The following TPM2 variants were observed in gnomAD, a reference collection of about 807,000 sequenced individuals.
TPM2 encodes the protein tropomyosin beta chain.
In TPM2, 26 loss-of-function variants were observed where a neutral mutation model predicts 41.0. The ratio of observed to expected loss-of-function variants is 0.63; its 90% CI spans 0.46 to 0.88. The LOEUF is 0.88. TPM2 is among the 40% of genes least tolerant of loss of function. TPM2 has a pLI of 0.00. For missense variants in TPM2, 187 were observed against 355.2 expected (o/e 0.53, Z 3.81); for synonymous variants, 143 against 139.3 (o/e 1.03, Z -0.19).
chr9:35,687,539 G>A (rs561883861), intron 2 of TPM2, among the ~76,000 whole-genome samples: 2 of 152,222 alleles, frequency 1.3e-5, no homozygotes, highest in East Asian at 1.9e-4. Flanking sequence ...TAGGGCAGGA[G>A]AAACAGCACC....
At chr9:35,689,060 G>A in intron 2 of TPM2, 86 bp downstream of exon 2, 3 of 1,507,156 alleles carry the variant, frequency 2.0e-6, no homozygotes, top group Admixed American at 1.7e-5. Context: ...AAGGGGATAA[G>A]GTGCCCCAAT....
chr9:35,685,363 G>GTA lies in TPM2; in HGVS notation c.493-26_493-25dup. The GTA allele has an allele frequency of 6.2e-7, 1 of 1,614,234 alleles. No homozygotes were observed. Among genetic ancestry groups the GTA allele is most frequent in the Non-Finnish European group, 8.5e-7 (1 of 1,180,038 alleles). On this transcript the variant is annotated intron_variant, in intron 4 of 8. Transcript: ENST00000645482. The surrounding 1 kb of genome is among the most constrained non-coding windows in gnomAD (Gnocchi z 5.0). ...ACCTGTGGGGAGTGAGAAAGAGAGG[G>GTA]TAGATCAGTGGAGAAGGACTGGGCA...
chr9:35,684,691 C>G lies in TPM2; in HGVS notation c.639+41G>C, dbSNP rs1202092063. On this transcript the variant is annotated intron_variant, in intron 6 of 8. Transcript: ENST00000645482. ...GCCTTGGGCCCCTCACCTCCCTCCC[C>G]TGTGGGACCCCATCCTCACTGCCCC... 3.7e-6 allele frequency: 6 copies of G among 1,614,034 alleles called. No homozygotes were observed. In the Admixed American group the frequency reaches 1.0e-4, roughly 27 times the overall value.
chr9:35,685,575 C>T lies in TPM2; in HGVS notation c.375-24G>A, dbSNP rs750595987. 1.2e-5 allele frequency: 20 copies of T among 1,614,154 alleles called. No individual in the cohort carries two copies. The highest frequency in any genetic ancestry group is 4.0e-5 in the African/African-American group (3 of 75,030). On this transcript the variant is annotated intron_variant, in intron 3 of 8. Coordinates refer to ENST00000645482, the MANE Select transcript of TPM2 (RefSeq NM_003289.4). The surrounding 1 kb of genome is among the most constrained non-coding windows in gnomAD (Gnocchi z 5.0). Reference sequence around the variant, plus strand: ...CTCTGAAAGGCAGGGAGAGGGTGAGCGTAGGGTCAGGACCAGCAGAGACAG... The same window carrying T: ...CTCTGAAAGGCAGGGAGAGGGTGAGTGTAGGGTCAGGACCAGCAGAGACAG...
Position 35,682,979 on chromosome 9 carries a change from G to A in TPM2, c.*180C>T. 1 of 1,528,512 alleles carries A rather than the reference G, an allele frequency of 6.5e-7. No homozygotes were observed. Among genetic ancestry groups the A allele is most frequent in the Non-Finnish European group, 8.8e-7 (1 of 1,134,766 alleles). The allele number at this position is 1,528,512 out of a possible 1,614,324, so 94.7% of individuals were successfully genotyped here. A position where few individuals can be genotyped will look rare whatever the true frequency, so the allele number is the denominator to read the frequency against. ...AGCAAAGGAGGGTGGAAGGGGATAG[G>A]TAAAGGATGAAGCCAGTGCCAGAGT... is the stretch of plus-strand genomic sequence containing the variant. On this transcript the variant is annotated 3_prime_UTR_variant, in exon 9 of 9. Transcript: ENST00000645482.
chr9:35,683,751 T>A (rs1280740224), intron 8 of TPM2, among the ~76,000 whole-genome samples: 1 of 152,244 alleles, frequency 6.6e-6, no homozygotes, highest in Non-Finnish European at 1.5e-5. Flanking sequence ...TTTTGTCAAA[T>A]CTAGCTTAAA....
Position 35,685,004 on chromosome 9 carries a change from G to A in TPM2, c.564-197C>T, listed in dbSNP as rs565040152. On this transcript the variant is annotated intron_variant, in intron 5 of 8. Transcript: ENST00000645482. This position sits in a 1 kb window ranked among gnomAD's most constrained non-coding sequence, Gnocchi z 5.0. ...AAAGAGCAGCCTGCGGTGCTGAGAC[G>A]GAGGGAAGGTGAGCTGAGAGAAGGC... 12 of 1,614,136 alleles carry A rather than the reference G, an allele frequency of 7.4e-6. No individual in the cohort carries two copies. The highest frequency in any genetic ancestry group is 4.5e-5 in the East Asian group (2 of 44,888).
chr9:35,684,376 C>A, intron 7 of TPM2, 61 bp from the exon 8 acceptor site: 1 of 1,610,992 alleles, frequency 6.2e-7, no homozygotes, highest in South Asian at 1.1e-5. Flanking sequence ...CAGACTACTG[C>A]CTAAGTCAAG....
intron 1 of TPM2, 21 bp downstream of exon 1, chr9:35,689,683 T>C (rs193075517): frequency 1.2e-6 from 2 of 1,611,630 alleles, no homozygotes; most frequent in African/African-American, 1.3e-5. Flanking sequence ...GAGAGCAGGC[T>C]GCACTGGGCC....
chr9:35,682,224 A>C, downstream of TPM2: 1 of 1,561,478 alleles, frequency 6.4e-7, no homozygotes, highest in Non-Finnish European at 8.8e-7. Flanking sequence ...GTGGGGAGGC[A>C]GGGCCAGGGG....
At chr9:35,682,870 G>C (rs1189678190), downstream of TPM2, 1 of 1,455,002 alleles carries the variant, frequency 6.9e-7, no homozygotes, top group South Asian at 1.2e-5. Flanking sequence ...TGTCAGGAGT[G>C]AACCAGTGCT....
In TPM2 at chr9:35,684,825, C is replaced by G. The variant is rs756207778; in HGVS notation, c.564-18G>C. 7.8e-4 allele frequency: 1,250 copies of G among 1,596,134 alleles called. No homozygotes were observed. Among genetic ancestry groups the G allele is most frequent in the Admixed American group, 5.8e-3 (337 of 58,388 alleles). On this transcript the variant is annotated intron_variant, in intron 5 of 8. Transcript: ENST00000645482. ...CACATTTACTGCAGGGGGTGTGTGG[C>G]GGGGGGGGCAGGGTGTGAGGGCACA...
chr9:35,689,156 T>C lies in TPM2; in HGVS notation c.230A>G (p.Lys77Arg), dbSNP rs1486146333. 6.2e-7 allele frequency: 1 copy of C among 1,614,062 alleles called. No homozygotes were observed. The highest frequency in any genetic ancestry group is 1.3e-5 in the African/African-American group (1 of 74,928). Residue 77 changes from lysine to arginine, a missense_variant, in exon 2 of 9, where the codon AAG (lysine) becomes AGG (arginine). Coordinates refer to ENST00000645482, the MANE Select transcript of TPM2 (RefSeq NM_003289.4). ...AQEKLEQAEKKATDAEADVAS... is the reference protein window; with the variant it reads ...AQEKLEQAEKRATDAEADVAS... ...CAAGTCCACACTCACATCAGTGGCC[T>C]TCTTCTCGGCCTGCTCCAGTTTCTC...
At chr9:35,689,937 G>C (rs1825164254), upstream of TPM2, 1 of 1,582,894 alleles carries the variant, frequency 6.3e-7, no homozygotes, top group African/African-American at 1.3e-5. Context: ...GGACGTCCCG[G>C]CCACGCGGGC....
Position 35,685,581 on chromosome 9 carries a change from G to A in TPM2, c.375-30C>T, listed in dbSNP as rs1020901713. ...AAGGCAGGGAGAGGGTGAGCGTAGG[G>A]TCAGGACCAGCAGAGACAGGCTCCC... On this transcript the variant is annotated intron_variant, in intron 3 of 8. Transcript: ENST00000645482. The surrounding 1 kb of genome is among the most constrained non-coding windows in gnomAD (Gnocchi z 5.0). 4 of 1,614,026 alleles carry A rather than the reference G, an allele frequency of 2.5e-6. No homozygotes were observed. The African/African-American group carries it at 5.3e-5, about 22-fold the overall frequency.
upstream of TPM2, chr9:35,690,046 G>A (rs975746460): frequency 4.4e-6 from 6 of 1,358,276 alleles, no homozygotes; most frequent in Non-Finnish European, 5.7e-6. Context: ...CCGGCCGGGG[G>A]GTGCGGCCGC....
intron 2 of TPM2, among the ~76,000 whole-genome samples, chr9:35,688,365 G>GATGGGGAAACTGAGGCAGAGA (rs1825059663): frequency 6.6e-6 from 1 of 152,214 alleles, no homozygotes; most frequent in African/African-American, 2.4e-5. Context: ...GTGGAAGGAA[G>GATGGGGAAACTGAGGCAGAGA]ATGGGGAAAC....
intron 6 of TPM2, 25 bp from the exon 7 acceptor site, chr9:35,684,575 C>T (rs1403488298): frequency 6.2e-7 from 1 of 1,614,044 alleles, no homozygotes; most frequent in Non-Finnish European, 8.5e-7. Flanking sequence ...CACACGCCAT[C>T]AGTACAGCGC....
chr9:35,687,796 G>C (rs944163029), intron 2 of TPM2, among the ~76,000 whole-genome samples: 4 of 152,070 alleles, frequency 2.6e-5, no homozygotes, highest in Admixed American at 2.0e-4. Context: ...TGGAAAGTTT[G>C]GGAAGTCCTG....
Sources: allele counts gnomAD v4.1 joint callset (sites outside exome capture counted in the v4.1 genomes callset), GRCh38; gene constraint gnomAD v4.1.1; non-coding constraint Gnocchi (gnomAD v3.1); transcripts MANE v1.5; gene names NCBI Gene and HGNC (gene_info 2026-07-23, HGNC 2026-07-21).